DACH1: variants seen among roughly 807,000 people sequenced by gnomAD.
DACH1 encodes dachshund homolog 1.
In DACH1, 12 loss-of-function variants were observed where a neutral mutation model predicts 54.2. The ratio of observed to expected loss-of-function variants is 0.22; its 90% CI spans 0.14 to 0.36. The LOEUF is 0.36. DACH1 is among the 10% of genes least tolerant of loss of function. The probability of loss-of-function intolerance (pLI) is 1.00; values close to 1 mark genes in which losing one functional copy is unlikely to be tolerated. For synonymous variants in DACH1, 386 were observed against 366.2 expected (o/e 1.05, Z -0.62); for missense variants, 805 against 929.8 (o/e 0.87, Z 1.75).
At chr13:71,812,677 T>C (rs879498800) in intron 1 of DACH1, among the ~76,000 whole-genome samples, 9 of 152,188 alleles carry the variant, frequency 5.9e-5, no homozygotes, top group South Asian at 4.1e-4. Context: ...ATGTGCACTG[T>C]ACATGTTATT....
intron 3 of DACH1, among the ~76,000 whole-genome samples, chr13:71,601,541 CTGTATTCTT>C (rs1874496281): frequency 6.6e-6 from 1 of 151,864 alleles, no homozygotes; most frequent in Non-Finnish European, 1.5e-5. Flanking sequence ...GAATACATTT[CTGTATTCTT>C]ACTTATTCTG....
At chr13:71,593,330 C>A (rs1211383540) in intron 3 of DACH1, among the ~76,000 whole-genome samples, 5 of 152,020 alleles carry the variant, frequency 3.3e-5, no homozygotes, top group Non-Finnish European at 7.4e-5. Context: ...TTAATCAGAT[C>A]TTTTATGTTC....
chr13:71,648,498 T>A (rs1878457064), intron 2 of DACH1, among the ~76,000 whole-genome samples: 1 of 152,164 alleles, frequency 6.6e-6, no homozygotes, highest in Admixed American at 6.5e-5. Context: ...CATTTTCTCC[T>A]CTTAATGTCC....
At chr13:71,685,932 A>C (rs1250157991) in intron 1 of DACH1, among the ~76,000 whole-genome samples, 1 of 152,214 alleles carries the variant, frequency 6.6e-6, no homozygotes, top group Non-Finnish European at 1.5e-5. Context: ...ATTCTTAAAA[A>C]GAAAATACTT....
intron 1 of DACH1, among the ~76,000 whole-genome samples, chr13:71,830,032 C>T (rs1368980289): frequency 1.3e-5 from 2 of 151,712 alleles, no homozygotes; most frequent in African/African-American, 4.8e-5. Flanking sequence ...TATAAATGAT[C>T]AATGATATGT....
intron 3 of DACH1, chr13:71,573,360 C>A (rs1162087543): frequency 4.3e-6 from 3 of 701,698 alleles, no homozygotes; most frequent in Non-Finnish European, 5.3e-6. Context: ...ATTTTGCCAA[C>A]TGATAAATAC....
chr13:71,836,199 T>C (rs1303082217), intron 1 of DACH1, among the ~76,000 whole-genome samples: 1 of 152,026 alleles, frequency 6.6e-6, no homozygotes. Flanking sequence ...TAGAGTATTC[T>C]AGATATTTCT....
chr13:71,838,871 C>T (rs1888906207), intron 1 of DACH1, among the ~76,000 whole-genome samples: 1 of 152,180 alleles, frequency 6.6e-6, no homozygotes, highest in South Asian at 2.1e-4. Context: ...TTTGCAGCAG[C>T]TTTTCTATTA....
intron 1 of DACH1, among the ~76,000 whole-genome samples, chr13:71,787,117 G>A (rs1011304977): frequency 6.6e-6 from 1 of 152,168 alleles, no homozygotes; most frequent in Non-Finnish European, 1.5e-5. Context: ...TGAGATGCTA[G>A]CATTTAGGAC....
chr13:71,762,845 T>C (rs1885461850), intron 1 of DACH1, among the ~76,000 whole-genome samples: 1 of 151,836 alleles, frequency 6.6e-6, no homozygotes, highest in African/African-American at 2.4e-5. Flanking sequence ...CCTTCAAATT[T>C]AAAATTTGGT....
intron 1 of DACH1, among the ~76,000 whole-genome samples, chr13:71,815,326 G>T (rs1317912380): frequency 1.3e-5 from 2 of 151,006 alleles, no homozygotes; most frequent in East Asian, 2.0e-4. Flanking sequence ...TAAAAAAGGG[G>T]GTGGGCGGGG....
intron 7 of DACH1, among the ~76,000 whole-genome samples, chr13:71,487,205 C>A (rs1476485297): frequency 6.6e-6 from 1 of 152,012 alleles, no homozygotes; most frequent in Non-Finnish European, 1.5e-5. Context: ...CTTTATCAGT[C>A]CCAGATCCCT....
chr13:71,710,639 G>A (rs567895635), intron 1 of DACH1, among the ~76,000 whole-genome samples: 37 of 152,212 alleles, frequency 2.4e-4, no homozygotes, highest in Non-Finnish European at 4.7e-4. Flanking sequence ...GACACTGAAA[G>A]ATTAAAAGAC....
chr13:71,522,939 C>G (rs1227767494), intron 6 of DACH1, among the ~76,000 whole-genome samples: 1 of 152,128 alleles, frequency 6.6e-6, no homozygotes, highest in African/African-American at 2.4e-5. Flanking sequence ...TTGCTTGTCT[C>G]TCCTACTGTA....
intron 1 of DACH1, among the ~76,000 whole-genome samples, chr13:71,712,784 A>G (rs1269193360): frequency 1.3e-5 from 2 of 152,106 alleles, no homozygotes; most frequent in Admixed American, 6.6e-5. Context: ...ATTATTTTTA[A>G]TAAACTATTT....
intron 2 of DACH1, among the ~76,000 whole-genome samples, chr13:71,676,410 G>T (rs1880574555): frequency 6.6e-6 from 1 of 152,116 alleles, no homozygotes; most frequent in Non-Finnish European, 1.5e-5. Context: ...TAGAGATGGG[G>T]TTTCACCATG....
intron 10 of DACH1, among the ~76,000 whole-genome samples, chr13:71,454,291 C>A (rs1230798339): frequency 1.3e-5 from 2 of 152,120 alleles, no homozygotes; most frequent in African/African-American, 4.8e-5. Flanking sequence ...TCCATTCTCA[C>A]TAGGGAACTG....
Position 71,530,471 on chromosome 13 carries a change from T to C in DACH1, c.1570+26553A>G, listed in dbSNP as rs545834037. 1.4e-4 allele frequency among the ~76,000 whole-genome samples: 22 copies of C among 152,288 alleles called. 1 individual carries two copies. In the South Asian group the frequency reaches 3.9e-3, roughly 27 times the overall value. Reference sequence around the variant, plus strand: ...CACTAATTTAAAAAAAAAAGTTATTTGAACTTTTAAACGAGATTACAACAT... The same window carrying C: ...CACTAATTTAAAAAAAAAAGTTATTCGAACTTTTAAACGAGATTACAACAT... On this transcript the variant is annotated intron_variant, in intron 6 of 10. Transcript: ENST00000613252.
chr13:71,559,454 CA>C (rs1296624057), intron 5 of DACH1, among the ~76,000 whole-genome samples: 1 of 152,010 alleles, frequency 6.6e-6, no homozygotes, highest in African/African-American at 2.4e-5. Context: ...ACAAAAATGG[CA>C]GAGTAGGATT....
Sources: allele counts gnomAD v4.1 joint callset (sites outside exome capture counted in the v4.1 genomes callset), GRCh38; gene constraint gnomAD v4.1.1; transcripts MANE v1.5; gene names NCBI Gene and HGNC (gene_info 2026-07-23, HGNC 2026-07-21).